NOVA1: variants seen among roughly 807,000 people sequenced by gnomAD.
The protein encoded by NOVA1 is RNA-binding protein Nova-1.
A neutral mutation model predicts 38.0 loss-of-function variants in NOVA1; 7 were observed. The ratio of observed to expected loss-of-function variants is 0.18; its 90% confidence interval spans 0.10 to 0.35. The LOEUF (loss-of-function observed/expected upper bound fraction) is 0.35. NOVA1 is among the 10% of genes least tolerant of loss of function. NOVA1 has a pLI of 1.00. For synonymous variants in NOVA1, 270 were observed against 232.5 expected (o/e 1.16, Z -1.47); for missense variants, 460 against 616.0 (o/e 0.75, Z 2.68).
intron 2 of NOVA1, among the ~76,000 whole-genome samples, chr14:26,536,683 C>A (rs1274337782): frequency 6.6e-6 from 1 of 151,804 alleles, no homozygotes; most frequent in Non-Finnish European, 1.5e-5. Flanking sequence ...ATATTCATAA[C>A]CTTCAAATAA....
chr14:26,449,748 A>T (rs1269283214), intron 4 of NOVA1, among the ~76,000 whole-genome samples: 1 of 152,104 alleles, frequency 6.6e-6, no homozygotes, highest in African/African-American at 2.4e-5. Context: ...CTACATTTTT[A>T]AAATTAGGGC....
chr14:26,513,096 G>A (rs550461605), intron 2 of NOVA1, among the ~76,000 whole-genome samples: 12 of 152,044 alleles, frequency 7.9e-5, no homozygotes, highest in African/African-American at 2.9e-4. Flanking sequence ...AAGACATTGG[G>A]AAATTTACAA....
chr14:26,444,325 A>G lies in NOVA1; in HGVS notation c.*3634T>C, dbSNP rs1009783104. On this transcript the variant is annotated 3_prime_UTR_variant, in exon 5 of 5. Transcript: ENST00000539517. ...AATTTATCAGATTCTTGATAGCACC[A>G]TTTACACATTCTTAAAGTAAACATT... is the stretch of plus-strand genomic sequence containing the variant. The G allele has an allele frequency of 2.0e-5, 3 of 152,188 alleles. No homozygotes were observed. The highest frequency in any genetic ancestry group is 1.3e-4 in the Admixed American group (2 of 15,280). 9.4% of individuals were successfully genotyped at this position (152,188 alleles called of 1,614,324 possible).
At chr14:26,597,194 G>A in intron 1 of NOVA1, 107 bp downstream of exon 1, 1 of 1,162,564 alleles carries the variant, frequency 8.6e-7, no homozygotes, top group Non-Finnish European at 1.1e-6. Flanking sequence ...GGAGGTGTCC[G>A]GGCCGCGGGA....
intron 2 of NOVA1, among the ~76,000 whole-genome samples, chr14:26,529,921 C>T (rs1253486008): frequency 6.6e-6 from 1 of 152,050 alleles, no homozygotes; most frequent in Non-Finnish European, 1.5e-5. Context: ...AATAAACTAT[C>T]TGAATCTAAA....
chr14:26,482,430 GA>G (rs1410015542), intron 2 of NOVA1, among the ~76,000 whole-genome samples: 3 of 151,930 alleles, frequency 2.0e-5, no homozygotes, highest in Non-Finnish European at 4.4e-5. Flanking sequence ...TAATTTTTAG[GA>G]GAAAGTCACA....
intron 4 of NOVA1, among the ~76,000 whole-genome samples, chr14:26,449,874 G>A (rs1417125523): frequency 2.6e-5 from 4 of 151,734 alleles, no homozygotes; most frequent in Non-Finnish European, 2.9e-5. Flanking sequence ...TATTTGTATT[G>A]AAACATCCAG....
intron 2 of NOVA1, among the ~76,000 whole-genome samples, chr14:26,511,266 T>C (rs924114093): frequency 1.1e-5 from 1 of 89,272 alleles, no homozygotes; most frequent in African/African-American, 2.8e-5. Context: ...ATATTTTTTA[T>C]ACTAAAAAAA....
intron 2 of NOVA1, among the ~76,000 whole-genome samples, chr14:26,518,319 CTT>C (rs1888631233): frequency 6.6e-6 from 1 of 151,908 alleles, no homozygotes; most frequent in Non-Finnish European, 1.5e-5. Context: ...GTTTAGTACA[CTT>C]ATATATAAAT....
chr14:26,453,611 T>C (rs1882914730), intron 4 of NOVA1, among the ~76,000 whole-genome samples: 1 of 152,156 alleles, frequency 6.6e-6, no homozygotes, highest in South Asian at 2.1e-4. Flanking sequence ...TTAATATTGA[T>C]ATGTTTCTAA....
At chr14:26,476,415 A>C (rs887183413) in intron 3 of NOVA1, among the ~76,000 whole-genome samples, 1 of 152,134 alleles carries the variant, frequency 6.6e-6, no homozygotes, top group African/African-American at 2.4e-5. Context: ...CTTTGATTAG[A>C]CATCCAAGGT....
At chr14:26,566,389 TGTAA>T (rs980438921) in intron 2 of NOVA1, among the ~76,000 whole-genome samples, 4 of 152,156 alleles carry the variant, frequency 2.6e-5, no homozygotes, top group Admixed American at 6.5e-5. Flanking sequence ...CTCCAATGAT[TGTAA>T]GTGAGTACCT....
intron 2 of NOVA1, among the ~76,000 whole-genome samples, chr14:26,521,068 C>T (rs1037043183): frequency 1.3e-4 from 19 of 151,966 alleles, no homozygotes; most frequent in South Asian, 4.2e-4. Flanking sequence ...AAAGTATGGT[C>T]CTAAAGTAGA....
chr14:26,529,124 T>C (rs1889512354), intron 2 of NOVA1, among the ~76,000 whole-genome samples: 1 of 146,732 alleles, frequency 6.8e-6, no homozygotes. Context: ...ATGAAGTGGT[T>C]ATGCTTTTTT....
At chr14:26,576,261 T>C (rs73601986) in intron 2 of NOVA1, among the ~76,000 whole-genome samples, 4,007 of 151,886 alleles carry the variant, frequency 0.026, 166 homozygotes, top group African/African-American at 0.092. Context: ...ACAGGTATTA[T>C]TCAGAACTTT....
intron 2 of NOVA1, among the ~76,000 whole-genome samples, chr14:26,504,491 A>T (rs965675970): frequency 5.9e-5 from 9 of 152,200 alleles, no homozygotes; most frequent in African/African-American, 1.9e-4. Context: ...AAGCTATCTC[A>T]TTAGAACAAA....
intron 2 of NOVA1, among the ~76,000 whole-genome samples, chr14:26,524,992 G>C (rs1042690568): frequency 6.6e-6 from 1 of 152,072 alleles, no homozygotes; most frequent in African/African-American, 2.4e-5. Context: ...CAAAACTATA[G>C]TTCAGAAATT....
At chr14:26,567,998 A>G (rs931183396) in intron 2 of NOVA1, among the ~76,000 whole-genome samples, 1 of 152,214 alleles carries the variant, frequency 6.6e-6, no homozygotes, top group African/African-American at 2.4e-5. Flanking sequence ...AAATACTGAT[A>G]GGACTGATAA....
intron 3 of NOVA1, among the ~76,000 whole-genome samples, chr14:26,476,334 C>T (rs868252669): frequency 2.0e-5 from 3 of 152,000 alleles, no homozygotes; most frequent in Admixed American, 6.6e-5. Flanking sequence ...TTTTCCCCCC[C>T]AAAATCTTCC....
Sources: allele counts gnomAD v4.1 joint callset (sites outside exome capture counted in the v4.1 genomes callset), GRCh38; gene constraint gnomAD v4.1.1; transcripts MANE v1.5; gene names NCBI Gene and HGNC (gene_info 2026-07-23, HGNC 2026-07-21).